The following KLF15 variants were observed in gnomAD, a reference collection of about 807,000 sequenced individuals.
The protein encoded by KLF15 is KLF transcription factor 15, also known as Krueppel-like factor 15.
Under a neutral mutation model 24.6 loss-of-function variants are expected in KLF15, and 4 were observed. That is an observed-to-expected ratio of 0.16 (90% CI 0.08 to 0.37). The LOEUF is 0.37. KLF15 is among the 10% of genes least tolerant of loss of function. KLF15 has a pLI of 1.00. For synonymous variants in KLF15, 246 were observed against 236.3 expected (o/e 1.04, Z -0.37); for missense variants, 496 against 560.6 (o/e 0.88, Z 1.16).
the KLF15 span, among the ~76,000 whole-genome samples, chr3:126,330,392 G>T: frequency 2.0e-5 from 3 of 152,170 alleles, no homozygotes; most frequent in Non-Finnish European, 2.9e-5. Flanking sequence ...ATTTCTGTGG[G>T]TTTATCTTGT....
chr3:126,297,286 G>A, the KLF15 span, among the ~76,000 whole-genome samples: 1 of 151,860 alleles, frequency 6.6e-6, no homozygotes, highest in Non-Finnish European at 1.5e-5. Context: ...TTATTTTGAT[G>A]TAAGATATCA....
At chr3:126,322,211 A>T in the KLF15 span, among the ~76,000 whole-genome samples, 3 of 150,342 alleles carry the variant, frequency 2.0e-5, no homozygotes, top group African/African-American at 7.4e-5. Flanking sequence ...TGCAGCTGTA[A>T]CAATGACCAC....
intron 2 of KLF15, among the ~76,000 whole-genome samples, chr3:126,345,073 C>G (rs1239863964): frequency 6.6e-6 from 1 of 152,100 alleles, no homozygotes; most frequent in Non-Finnish European, 1.5e-5. Flanking sequence ...AGGCCATTTG[C>G]ACATACTGTT....
the KLF15 span, among the ~76,000 whole-genome samples, chr3:126,327,237 G>A: frequency 6.6e-6 from 1 of 152,204 alleles, no homozygotes; most frequent in African/African-American, 2.4e-5. Context: ...CTGGAGCTAA[G>A]TGAGAAGTAT....
At chr3:126,342,372 C>T (rs565979383), downstream of KLF15, among the ~76,000 whole-genome samples, 61 of 152,308 alleles carry the variant, frequency 4.0e-4, 1 homozygote, top group Middle Eastern at 3.4e-3. Flanking sequence ...CCCACAGGTG[C>T]TGTCGGAATG....
the KLF15 span, among the ~76,000 whole-genome samples, chr3:126,326,425 A>G: frequency 5.3e-5 from 8 of 152,194 alleles, no homozygotes; most frequent in Non-Finnish European, 1.0e-4. Flanking sequence ...TCTTTATGGC[A>G]TAATTTATAA....
At chr3:126,323,405 A>C in the KLF15 span, among the ~76,000 whole-genome samples, 16 of 27,532 alleles carry the variant, frequency 5.8e-4, no homozygotes, top group African/African-American at 3.6e-3. Context: ...CCCAGTAGTT[A>C]TATATATATA....
intron 2 of KLF15, among the ~76,000 whole-genome samples, chr3:126,344,717 C>T (rs922377380): frequency 1.3e-5 from 2 of 152,130 alleles, no homozygotes; most frequent in Non-Finnish European, 2.9e-5. Flanking sequence ...GAGAGAGGTC[C>T]TCAGACTTGA....
At chr3:126,294,110 T>C in the KLF15 span, 3 of 152,282 alleles carry the variant, frequency 2.0e-5, no homozygotes, top group Non-Finnish European at 4.4e-5. Flanking sequence ...CTTCTCTGCA[T>C]TGGACTGAGG....
chr3:126,342,337 G>A (rs1459139555), downstream of KLF15, among the ~76,000 whole-genome samples: 1 of 152,212 alleles, frequency 6.6e-6, no homozygotes, highest in Non-Finnish European at 1.5e-5. Context: ...GAGCCTCGCA[G>A]GACTGGCCAG....
the KLF15 span, among the ~76,000 whole-genome samples, chr3:126,326,975 C>G: frequency 6.6e-6 from 1 of 152,130 alleles, no homozygotes; most frequent in Non-Finnish European, 1.5e-5. Flanking sequence ...CTAGCCTCCC[C>G]GACACATCAC....
chr3:126,326,718 G>A, the KLF15 span, among the ~76,000 whole-genome samples: 1 of 152,184 alleles, frequency 6.6e-6, no homozygotes, highest in Non-Finnish European at 1.5e-5. Context: ...AGTGCTGGCA[G>A]AGGTGGCTTT....
the KLF15 span, chr3:126,291,280 A>G: frequency 6.6e-6 from 1 of 152,274 alleles, no homozygotes; most frequent in Non-Finnish European, 1.5e-5. Flanking sequence ...GAAGACTTGC[A>G]AAAGACCCCT....
At chr3:126,318,935 A>G in the KLF15 span, among the ~76,000 whole-genome samples, 1 of 152,098 alleles carries the variant, frequency 6.6e-6, no homozygotes, top group African/African-American at 2.4e-5. Flanking sequence ...CTGCCCTAAA[A>G]ATCCTCTGTG....
the KLF15 span, among the ~76,000 whole-genome samples, chr3:126,313,640 T>C: frequency 6.6e-6 from 1 of 152,212 alleles, no homozygotes; most frequent in Non-Finnish European, 1.5e-5. Flanking sequence ...TTCACACTTG[T>C]CATCCTCAGT....
chr3:126,300,002 T>C, the KLF15 span, among the ~76,000 whole-genome samples: 1,504 of 152,176 alleles, frequency 9.9e-3, 29 homozygotes, highest in African/African-American at 0.033. Context: ...GGGGTGTACG[T>C]GCCCCCACGT....
the KLF15 span, chr3:126,293,933 G>C: frequency 1.3e-5 from 2 of 152,220 alleles, no homozygotes; most frequent in Admixed American, 6.5e-5. Flanking sequence ...CCGTGGTCTC[G>C]AGAGCTGGAC....
chr3:126,324,755 C>CTT, the KLF15 span, among the ~76,000 whole-genome samples: 43,495 of 108,964 alleles, frequency 0.4, 8,867 homozygotes, highest in Non-Finnish European at 0.46. Flanking sequence ...GTGATGTTAA[C>CTT]TTTTTTTTTT....
chr3:126,332,200 C>G, the KLF15 span, among the ~76,000 whole-genome samples: 1 of 151,454 alleles, frequency 6.6e-6, no homozygotes, highest in South Asian at 2.1e-4. Context: ...AGCAGTGGTT[C>G]TCCCAGCACT....
Sources: gnomAD v4.1 joint callset for allele counts (sites outside exome capture counted in the v4.1 genomes callset) on GRCh38, gnomAD v4.1.1 for gene constraint, MANE v1.5 for transcripts, NCBI Gene and HGNC (gene_info 2026-07-23, HGNC 2026-07-21) for gene names.